Variants in CWC27 observed in about 807,000 individuals in gnomAD.
CWC27 encodes spliceosome-associated protein CWC27 homolog.
A neutral mutation model predicts 63.6 loss-of-function variants in CWC27; 47 were observed. The observed-to-expected ratio is 0.74, with a 90% CI of 0.58 to 0.94. The LOEUF is 0.94. CWC27 is among the 40% of genes least tolerant of loss of function. The pLI is 0.00. For missense variants in CWC27, 495 were observed against 554.3 expected (o/e 0.89, Z 1.07); for synonymous variants, 175 against 179.8 (o/e 0.97, Z 0.22).
chr5:64,937,848 T>C (rs548865577), intron 11 of CWC27, among the ~76,000 whole-genome samples: 1 of 152,132 alleles, frequency 6.6e-6, no homozygotes, highest in African/African-American at 2.4e-5. Flanking sequence ...CATTATATAA[T>C]GCCCTTCTTT....
intron 11 of CWC27, among the ~76,000 whole-genome samples, chr5:64,908,236 T>C (rs972512753): frequency 4.6e-5 from 7 of 152,382 alleles, no homozygotes; most frequent in Admixed American, 3.3e-4. Context: ...TTGATTGCAC[T>C]GTGGTCTGAG....
rs142252131 is a variant in CWC27, at chr5:64,888,992, A to C, written c.1042+3446A>C. On this transcript the variant is annotated intron_variant, in intron 11 of 13. Transcript: ENST00000381070. ...TCCTGATATAATGCACTGAGAAGGA[A>C]TACTACTTCTGTGGTAATCTTCCCA... Among the ~76,000 whole-genome samples, 343 of 152,302 alleles carry C rather than the reference A, an allele frequency of 2.3e-3. 1 individual carries two copies. Among genetic ancestry groups the C allele is most frequent in the African/African-American group, 7.8e-3 (326 of 41,562 alleles).
At chr5:64,914,574 A>C (rs577904863) in intron 11 of CWC27, among the ~76,000 whole-genome samples, 229 of 152,256 alleles carry the variant, frequency 1.5e-3, no homozygotes, top group African/African-American at 5.3e-3. Context: ...ATTAGAGCCA[A>C]ACCACACATT....
intron 11 of CWC27, among the ~76,000 whole-genome samples, chr5:64,933,327 A>G (rs1288865528): frequency 1.3e-5 from 2 of 152,228 alleles, no homozygotes; most frequent in African/African-American, 2.4e-5. Context: ...TCAATCCAGA[A>G]GAGATAGTTA....
intron 2 of CWC27, among the ~76,000 whole-genome samples, chr5:64,776,505 G>C (rs1193533528): frequency 6.6e-6 from 1 of 151,908 alleles, no homozygotes; most frequent in African/African-American, 2.4e-5. Flanking sequence ...AATGCAAGGA[G>C]AAAGAAGAAA....
At chr5:64,851,740 T>C (rs756020149) in intron 10 of CWC27, among the ~76,000 whole-genome samples, 70 of 152,160 alleles carry the variant, frequency 4.6e-4, no homozygotes, top group Admixed American at 2.6e-4. Flanking sequence ...CTTAGCTATA[T>C]GATTTAATTT....
intron 11 of CWC27, among the ~76,000 whole-genome samples, chr5:64,912,036 T>G (rs926598398): frequency 2.8e-5 from 4 of 142,624 alleles, no homozygotes; most frequent in African/African-American, 1.0e-4. Context: ...ATCGTGCCAC[T>G]GCACTCCAAC....
intron 10 of CWC27, among the ~76,000 whole-genome samples, chr5:64,874,954 A>G (rs1470042307): frequency 6.6e-6 from 1 of 152,046 alleles, no homozygotes; most frequent in African/African-American, 2.4e-5. Flanking sequence ...ACATTTGGCT[A>G]AAGACTGGGT....
rs183286873 is a variant in CWC27, at chr5:64,899,640, A to G, written c.1042+14094A>G. Among the ~76,000 whole-genome samples, 211 of 152,356 alleles carry G rather than the reference A, an allele frequency of 1.4e-3. 1 individual carries two copies. Among genetic ancestry groups the G allele is most frequent in the African/African-American group, 4.6e-3 (192 of 41,590 alleles). ...GTACCAGAAAGGGCCCAGTCAAAAG[A>G]CAGAATCCACAAACAAAACTTTTGA... On this transcript the variant is annotated intron_variant, in intron 11 of 13. Transcript: ENST00000381070.
intron 7 of CWC27, among the ~76,000 whole-genome samples, chr5:64,791,099 G>T (rs1246550380): frequency 6.6e-6 from 1 of 152,178 alleles, no homozygotes; most frequent in Admixed American, 6.5e-5. Context: ...TTGGCCCGTT[G>T]TCCTTCCCTA....
intron 6 of CWC27, 92 bp downstream of exon 6, chr5:64,786,719 G>T: frequency 4.1e-6 from 3 of 728,834 alleles, no homozygotes; most frequent in Non-Finnish European, 6.5e-6. Flanking sequence ...TTGTTTACTA[G>T]CAAAGGAGAG....
chr5:64,781,678 C>T (rs1197344859), intron 2 of CWC27, among the ~76,000 whole-genome samples: 1 of 152,112 alleles, frequency 6.6e-6, no homozygotes, highest in Non-Finnish European at 1.5e-5. Flanking sequence ...TTTTGAAGAC[C>T]AGTCCAGAGT....
At chr5:64,840,571 A>T (rs928245017) in intron 10 of CWC27, among the ~76,000 whole-genome samples, 1 of 151,436 alleles carries the variant, frequency 6.6e-6, no homozygotes, top group Non-Finnish European at 1.5e-5. Context: ...TGAAGGTAAC[A>T]GTATGTACCA....
intron 10 of CWC27, chr5:64,808,146 G>A (rs1235480961): frequency 8.5e-6 from 9 of 1,052,954 alleles, no homozygotes; most frequent in Admixed American, 5.0e-5. Flanking sequence ...TAGAAATACC[G>A]AGTCTCAGGC....
intron 10 of CWC27, among the ~76,000 whole-genome samples, chr5:64,844,467 C>T (rs1424998145): frequency 2.6e-5 from 4 of 152,166 alleles, no homozygotes; most frequent in African/African-American, 9.7e-5. Flanking sequence ...TCCCACCCAG[C>T]CTCAGAGCCC....
intron 10 of CWC27, among the ~76,000 whole-genome samples, chr5:64,831,922 G>A (rs1194165446): frequency 6.6e-6 from 1 of 151,742 alleles, no homozygotes; most frequent in Admixed American, 6.6e-5. Context: ...ATGTTGTCTT[G>A]GTCAAGCTGT....
intron 10 of CWC27, among the ~76,000 whole-genome samples, chr5:64,836,303 A>C (rs1046087236): frequency 6.6e-6 from 1 of 151,980 alleles, no homozygotes; most frequent in African/African-American, 2.4e-5. Flanking sequence ...GACAATGGAC[A>C]GGAAAGAGAA....
intron 13 of CWC27, among the ~76,000 whole-genome samples, chr5:65,016,617 AACGGTAC>A (rs1750052957): frequency 6.6e-6 from 1 of 152,178 alleles, no homozygotes; most frequent in African/African-American, 2.4e-5. Flanking sequence ...AGAAGGTAGA[AACGGTAC>A]ATAAGTCTCA....
chr5:64,911,292 A>G (rs1318972474), intron 11 of CWC27, among the ~76,000 whole-genome samples: 1 of 152,186 alleles, frequency 6.6e-6, no homozygotes, highest in Non-Finnish European at 1.5e-5. Context: ...ACCTGTAGTC[A>G]CAGAGTAAAA....
Sources: allele counts gnomAD v4.1 joint callset (sites outside exome capture counted in the v4.1 genomes callset), GRCh38; gene constraint gnomAD v4.1.1; transcripts MANE v1.5; gene names NCBI Gene and HGNC (gene_info 2026-07-23, HGNC 2026-07-21).